The following ELP3 variants were observed in gnomAD, a reference collection of about 807,000 sequenced individuals.
The protein encoded by ELP3 is elongator acetyltransferase complex subunit 3.
ELP3 carries 56 observed loss-of-function variants against 74.9 expected under a neutral mutation model. That is an observed-to-expected ratio of 0.75 (90% CI 0.60 to 0.93). The LOEUF is 0.93. ELP3 is among the 40% of genes least tolerant of loss of function. The probability of loss-of-function intolerance (pLI) is 0.00; values close to 1 mark genes in which losing one functional copy is unlikely to be tolerated. For synonymous variants in ELP3, 222 were observed against 239.8 expected, an observed-to-expected ratio of 0.93 and a Z score of 0.68; for missense variants, 573 against 686.5, an observed-to-expected ratio of 0.83 and a Z score of 1.85.
rs773089866 is a variant in ELP3 at position 28,160,393 on chromosome 8, G to A, written c.1422G>A (p.Glu474=). Residue 474 remains glutamate (E), a synonymous_variant, in exon 13 of 15, where the codon GAG becomes GAA. Transcript: ENST00000256398. Reference sequence around the variant, plus strand: ...GTGGAGGTGTCTCCATAGTACGAGAGCTGCATGTGTATGGGAGTGTGGTCC... The same window carrying A: ...GTGGAGGTGTCTCCATAGTACGAGAACTGCATGTGTATGGGAGTGTGGTCC... ...ELGGGVSIVR[E]LHVYGSVVPV... The A allele has an allele frequency of 6.2e-7, 1 of 1,614,144 alleles. No individual in the cohort carries two copies. The highest frequency in any genetic ancestry group is 8.5e-7 in the Non-Finnish European group (1 of 1,180,008).
At chr8:28,177,604 C>G (rs1338507035) in intron 14 of ELP3, among the ~76,000 whole-genome samples, 1 of 152,118 alleles carries the variant, frequency 6.6e-6, no homozygotes, top group Non-Finnish European at 1.5e-5. Context: ...GAAATTTGAG[C>G]TTTAAAGGAT....
intron 10 of ELP3, among the ~76,000 whole-genome samples, chr8:28,151,956 C>T (rs568658917): frequency 1.3e-5 from 2 of 152,318 alleles, no homozygotes; most frequent in South Asian, 4.1e-4. Context: ...GTTTAACTCT[C>T]AGACTTGTCT....
intron 10 of ELP3, among the ~76,000 whole-genome samples, chr8:28,152,222 T>C (rs10093221): frequency 0.6 from 90,843 of 151,936 alleles, 28,562 homozygotes; most frequent in East Asian, 0.92. Flanking sequence ...TGACCTTCTA[T>C]TTGTTCAAGT....
chr8:28,167,173 C>G (rs1814337988), intron 14 of ELP3, among the ~76,000 whole-genome samples: 1 of 152,162 alleles, frequency 6.6e-6, no homozygotes, highest in Non-Finnish European at 1.5e-5. Flanking sequence ...AAATGAGTCA[C>G]TATGGAGATG....
chr8:28,149,458 G>A (rs1243529789), intron 10 of ELP3, among the ~76,000 whole-genome samples: 1 of 151,994 alleles, frequency 6.6e-6, no homozygotes, highest in African/African-American at 2.4e-5. Context: ...TCAAATTTGT[G>A]GGCATAGAGT....
intron 1 of ELP3, 107 bp downstream of exon 1, chr8:28,093,340 C>G: frequency 6.8e-7 from 1 of 1,466,312 alleles, no homozygotes; most frequent in East Asian, 2.3e-5. Flanking sequence ...GCTACCCAGT[C>G]CAGTCGCCCC....
At chr8:28,144,613 C>G (rs1359689827) in intron 10 of ELP3, among the ~76,000 whole-genome samples, 1 of 152,110 alleles carries the variant, frequency 6.6e-6, no homozygotes, top group African/African-American at 2.4e-5. Context: ...GAGTAAGACC[C>G]TGTCTCCAAA....
chr8:28,106,266 C>T (rs1811682961), intron 3 of ELP3, among the ~76,000 whole-genome samples: 1 of 152,144 alleles, frequency 6.6e-6, no homozygotes, highest in South Asian at 2.1e-4. Flanking sequence ...CTCGGCCGGG[C>T]GCGGTGGCTC....
At chr8:28,093,047 A>T, upstream of ELP3, 1 of 1,131,092 alleles carries the variant, frequency 8.8e-7, no homozygotes, top group Non-Finnish European at 1.3e-6. Context: ...TAGTTGCAAC[A>T]CGGGGCGGGG....
Position 28,158,649 on chromosome 8 carries a change from T to C in ELP3, c.1257+16T>C. ...GCCATACCAGGTTAGTCTCTTCATG[T>C]CATAGAGGGCCTAGGTACTGTCCTT... On this transcript the variant is annotated intron_variant, in intron 12 of 14. Coordinates refer to ENST00000256398, the MANE Select transcript of ELP3 (RefSeq NM_018091.6). 1 of 1,606,324 alleles carries C rather than the reference T, an allele frequency of 6.2e-7. No individual in the cohort carries two copies. Among genetic ancestry groups the C allele is most frequent in the Non-Finnish European group, 8.5e-7 (1 of 1,173,026 alleles).
At chr8:28,181,587 A>G (rs930203953) in intron 14 of ELP3, among the ~76,000 whole-genome samples, 1 of 152,258 alleles carries the variant, frequency 6.6e-6, no homozygotes, top group Non-Finnish European at 1.5e-5. Flanking sequence ...ACAGGAGGTG[A>G]GGTGATCAAG....
At chr8:28,119,583 T>A (rs1474999384) in intron 7 of ELP3, among the ~76,000 whole-genome samples, 2 of 12,886 alleles carry the variant, frequency 1.6e-4, no homozygotes, top group Non-Finnish European at 1.4e-4. Flanking sequence ...TATATATATA[T>A]ATATATATAT....
At chr8:28,105,834 T>G (rs1811666639) in intron 3 of ELP3, among the ~76,000 whole-genome samples, 2 of 152,188 alleles carry the variant, frequency 1.3e-5, no homozygotes, top group African/African-American at 4.8e-5. Context: ...GTGCCCTGGA[T>G]GTAACCAATC....
At chr8:28,167,743 C>T (rs1814364121) in intron 14 of ELP3, among the ~76,000 whole-genome samples, 1 of 152,100 alleles carries the variant, frequency 6.6e-6, no homozygotes. Flanking sequence ...CCCTAAATGT[C>T]CCCTAATTAA....
At chr8:28,108,457 C>CTTTTTTTTTTTTT (rs33948469) in intron 5 of ELP3, among the ~76,000 whole-genome samples, 17 of 117,572 alleles carry the variant, frequency 1.4e-4, no homozygotes, top group East Asian at 2.4e-4. Context: ...ATTTTTTTTT[C>CTTTTTTTTTTTTT]TTTTTTTTTT....
chr8:28,180,256 C>T (rs1293215033), intron 14 of ELP3, among the ~76,000 whole-genome samples: 1 of 152,142 alleles, frequency 6.6e-6, no homozygotes, highest in African/African-American at 2.4e-5. Context: ...CCTGTGACTC[C>T]AGTTAAACAT....
At chr8:28,146,264 CT>C (rs1813426752) in intron 10 of ELP3, among the ~76,000 whole-genome samples, 1 of 152,194 alleles carries the variant, frequency 6.6e-6, no homozygotes, top group Admixed American at 6.5e-5. Context: ...CCATATTAAA[CT>C]GTTGCTGCCC....
intron 7 of ELP3, among the ~76,000 whole-genome samples, chr8:28,126,605 A>G (rs1812587112): frequency 1.3e-5 from 2 of 152,156 alleles, no homozygotes; most frequent in Admixed American, 6.5e-5. Context: ...TGTAGCCCCC[A>G]AAGAGGTATG....
At chr8:28,144,871 T>C (rs1813373103) in intron 10 of ELP3, among the ~76,000 whole-genome samples, 1 of 152,146 alleles carries the variant, frequency 6.6e-6, no homozygotes, top group South Asian at 2.1e-4. Context: ...AAACCCTGTC[T>C]CTACTAAAAA....
Sources: allele counts gnomAD v4.1 joint callset (sites outside exome capture counted in the v4.1 genomes callset), GRCh38; gene constraint gnomAD v4.1.1; transcripts MANE v1.5; gene names NCBI Gene and HGNC (gene_info 2026-07-23, HGNC 2026-07-21).